FRMPD4: variants seen among roughly 807,000 people sequenced by gnomAD.
The protein encoded by FRMPD4 is FERM and PDZ domain-containing protein 4.
In FRMPD4, 22 loss-of-function variants were observed where a neutral mutation model predicts 94.1. The ratio of observed to expected loss-of-function variants is 0.23; its 90% CI spans 0.17 to 0.33. FRMPD4 has a LOEUF of 0.33. Among genes scored for constraint, FRMPD4 ranks in the 10% least tolerant of loss-of-function variants. The pLI is 1.00. For missense variants in FRMPD4, 1,111 were observed against 1,339.9 expected (o/e 0.83, Z 2.67); for synonymous variants, 631 against 548.6 (o/e 1.15, Z -2.10).
intron 1 of FRMPD4, among the ~76,000 whole-genome samples, chrX:12,199,733 G>A (rs2056610613): frequency 8.9e-6 from 1 of 111,991 alleles, no homozygotes; most frequent in Non-Finnish European, 1.9e-5. Flanking sequence ...AATTGCAATA[G>A]AGAAAGAGTT....
chrX:11,987,519 G>A (rs747117777), intron 3 of FRMPD4, among the ~76,000 whole-genome samples: 1 of 110,985 alleles, frequency 9.0e-6, no homozygotes, highest in Non-Finnish European at 1.9e-5. Flanking sequence ...ACATGACAAA[G>A]GTACCCACTT....
intron 1 of FRMPD4, among the ~76,000 whole-genome samples, chrX:12,204,574 C>G (rs2056669201): frequency 9.0e-6 from 1 of 111,129 alleles, no homozygotes; most frequent in Non-Finnish European, 1.9e-5. Flanking sequence ...TTCTGAGATC[C>G]CTTTGATTTT....
chrX:12,069,088 CGTAA>C (rs2054944811), intron 3 of FRMPD4, among the ~76,000 whole-genome samples: 2 of 111,590 alleles, frequency 1.8e-5, no homozygotes, highest in Non-Finnish European at 3.8e-5. Flanking sequence ...TCTCCAATAG[CGTAA>C]CATTTGAGTG....
intron 3 of FRMPD4, among the ~76,000 whole-genome samples, chrX:12,024,240 ATG>A (rs763914617): frequency 1.7e-4 from 19 of 111,969 alleles, no homozygotes; most frequent in Non-Finnish European, 2.6e-4. Flanking sequence ...ATACGTGCAT[ATG>A]TGTGTGTCTG....
chrX:12,648,567 T>C (rs1477466832), intron 4 of FRMPD4, among the ~76,000 whole-genome samples: 1 of 112,231 alleles, frequency 8.9e-6, no homozygotes, highest in Non-Finnish European at 1.9e-5. Context: ...GTAAATTACT[T>C]GGCCTTTCAA....
At chrX:12,676,916 C>T (rs758156539) in intron 5 of FRMPD4, among the ~76,000 whole-genome samples, 1 of 112,106 alleles carries the variant, frequency 8.9e-6, no homozygotes, top group South Asian at 3.7e-4. Flanking sequence ...GCCCAATCAC[C>T]GCAGATAAAT....
At chrX:12,289,403 TAAC>T (rs2054651368) in intron 1 of FRMPD4, among the ~76,000 whole-genome samples, 1 of 112,060 alleles carries the variant, frequency 8.9e-6, no homozygotes, top group Non-Finnish European at 1.9e-5. Context: ...AAATTGTAAT[TAAC>T]AACACGAAGT....
At chrX:11,985,390 C>G (rs891625370) in intron 3 of FRMPD4, among the ~76,000 whole-genome samples, 1 of 111,844 alleles carries the variant, frequency 8.9e-6, no homozygotes, top group Admixed American at 9.4e-5. Flanking sequence ...CTTGAATAAC[C>G]AAGAGTGATA....
At chrX:12,004,921 C>A (rs1306934413) in intron 3 of FRMPD4, among the ~76,000 whole-genome samples, 1 of 111,299 alleles carries the variant, frequency 9.0e-6, no homozygotes, top group South Asian at 3.9e-4. Context: ...CCTTCATCAC[C>A]ATCCCCTGGA....
intron 11 of FRMPD4, among the ~76,000 whole-genome samples, chrX:12,705,776 A>T (rs2041864994): frequency 9.0e-6 from 1 of 111,416 alleles, no homozygotes. Context: ...CTGCTATAAG[A>T]TCAATCAACC....
chrX:12,277,206 T>G (rs2054455646), intron 1 of FRMPD4, among the ~76,000 whole-genome samples: 1 of 111,857 alleles, frequency 8.9e-6, no homozygotes, highest in Non-Finnish European at 1.9e-5. Context: ...ACATTATCAT[T>G]CAACATGTAA....
chrX:11,831,685 A>G (rs1352068036), intron 1 of FRMPD4, among the ~76,000 whole-genome samples: 1 of 111,065 alleles, frequency 9.0e-6, no homozygotes, highest in African/African-American at 3.3e-5. Context: ...TCATTATTAG[A>G]AGGGAGAGAA....
intron 3 of FRMPD4, among the ~76,000 whole-genome samples, chrX:11,958,700 A>G (rs1475952201): frequency 1.8e-5 from 2 of 112,029 alleles, no homozygotes; most frequent in Non-Finnish European, 3.8e-5. Flanking sequence ...GACCACCTCT[A>G]AATTTTATTT....
intron 3 of FRMPD4, among the ~76,000 whole-genome samples, chrX:11,889,088 ATT>A (rs1364020511): frequency 1.8e-5 from 2 of 112,553 alleles, no homozygotes; most frequent in African/African-American, 6.5e-5. Flanking sequence ...TGCTAAAATA[ATT>A]TGAGTCTCAA....
intron 1 of FRMPD4, among the ~76,000 whole-genome samples, chrX:12,272,190 C>A (rs1317455706): frequency 2.7e-5 from 3 of 112,126 alleles, no homozygotes; most frequent in African/African-American, 6.5e-5. Context: ...AATAAGCACT[C>A]TATAGATGTC....
intron 3 of FRMPD4, among the ~76,000 whole-genome samples, chrX:12,068,941 T>C (rs58856904): frequency 0.058 from 6,469 of 112,145 alleles, 485 homozygotes; most frequent in African/African-American, 0.2. Flanking sequence ...GGGTATACAC[T>C]GACAATAAAC....
chrX:12,169,236 G>T (rs1454823638), intron 1 of FRMPD4, among the ~76,000 whole-genome samples: 1 of 111,724 alleles, frequency 9.0e-6, no homozygotes, highest in African/African-American at 3.3e-5. Context: ...AAGGAAAGGG[G>T]TAGTGGGAAA....
intron 1 of FRMPD4, among the ~76,000 whole-genome samples, chrX:12,459,897 A>G (rs910297888): frequency 8.1e-5 from 9 of 111,595 alleles, no homozygotes; most frequent in Non-Finnish European, 1.7e-4. Flanking sequence ...TGACTGTACC[A>G]CTTCTATCCC....
At chrX:12,594,072 A>G (rs1569354986) in intron 2 of FRMPD4, among the ~76,000 whole-genome samples, 1 of 110,742 alleles carries the variant, frequency 9.0e-6, no homozygotes, top group Non-Finnish European at 1.9e-5. Context: ...TTCTTTTTGA[A>G]TTCTACAAGT....
Sources: gnomAD v4.1 joint callset for allele counts (sites outside exome capture counted in the v4.1 genomes callset) on GRCh38, gnomAD v4.1.1 for gene constraint, MANE v1.5 for transcripts, NCBI Gene and HGNC (gene_info 2026-07-23, HGNC 2026-07-21) for gene names.